GAGE1: variants seen among roughly 807,000 people sequenced by gnomAD.
GAGE1 encodes the protein G antigen 4.
A neutral mutation model predicts 5.0 loss-of-function variants in GAGE1; 5 were observed. That is an observed-to-expected ratio of 1.00 (90% CI 0.52 to 2.11). The LOEUF (loss-of-function observed/expected upper bound fraction) is 2.11, where lower values mean the gene tolerates loss of function less well. Ranked by LOEUF, GAGE1 falls within the 30% of genes most tolerant of loss-of-function variation. GAGE1 has a pLI of 0.01. For missense variants in GAGE1, 9 were observed against 38.9 expected, an observed-to-expected ratio of 0.23 and a Z score of 2.04; for synonymous variants, 6 against 14.8, an observed-to-expected ratio of 0.40 and a Z score of 1.37.
intron 4 of GAGE1, 70 bp from the exon 5 acceptor site, chrX:49,605,923 T>TAAC (rs1852690222): frequency 4.0e-6 from 2 of 495,862 alleles, no homozygotes; most frequent in East Asian, 6.0e-5. Context: ...ATAATAATAA[T>TAAC]AATAATAATA....
chrX:49,604,914 C>A (rs1317101344), intron 4 of GAGE1: 5 of 342,841 alleles, frequency 1.5e-5, no homozygotes, highest in Non-Finnish European at 5.1e-6. Flanking sequence ...CTAAAGCAGT[C>A]CTCCCACCTC....
intron 3 of GAGE1, among the ~76,000 whole-genome samples, chrX:49,602,721 A>G (rs1264657566): frequency 6.7e-5 from 6 of 90,037 alleles, no homozygotes; most frequent in Admixed American, 1.2e-4. Context: ...ATCACTGCAC[A>G]AAGATCAAAA....
intron 4 of GAGE1, 127 bp from the exon 5 acceptor site, chrX:49,605,866 C>G (rs1557132128): frequency 5.4e-6 from 2 of 369,971 alleles, no homozygotes; most frequent in Non-Finnish European, 3.9e-6. Flanking sequence ...CCAGATTGCT[C>G]CACTGTACTC....
At chrX:49,603,904 G>A in intron 4 of GAGE1, 111 bp downstream of exon 4, 1 of 496,064 alleles carries the variant, frequency 2.0e-6, no homozygotes, top group Non-Finnish European at 3.4e-6. Flanking sequence ...CCAGGCTGGA[G>A]TGCAGTGGTG....
At chrX:49,605,424 T>C (rs1251969931) in intron 4 of GAGE1, among the ~76,000 whole-genome samples, 1 of 112,371 alleles carries the variant, frequency 8.9e-6, no homozygotes, top group African/African-American at 3.2e-5. Flanking sequence ...TTAATTGTAA[T>C]TGCTTGTGAC....
chrX:49,605,075 C>G (rs782247653), intron 4 of GAGE1: 1 of 1,019,965 alleles, frequency 9.8e-7, no homozygotes. Flanking sequence ...TCTTTCCCCA[C>G]GGAAACCTTG....
Position 49,606,307 on chromosome X carries a change from C to A in GAGE1, c.*292C>A. On this transcript the variant is annotated 3_prime_UTR_variant, in exon 5 of 5. Transcript: ENST00000381700. ...CTTCTAGGTTTTTTCAGTTTTCAAC[C>A]TACAGAATCATATCATTTTTGAATA... The A allele has an allele frequency of 6.2e-6, 1 of 161,411 alleles. No homozygotes were observed. Among genetic ancestry groups the A allele is most frequent in the Non-Finnish European group, 1.2e-5 (1 of 83,922 alleles). The allele number at this position is 161,411 out of a possible 1,213,427, so 13.3% of individuals were successfully genotyped here.
At chrX:49,604,664 G>C (rs2066641148) in intron 4 of GAGE1, among the ~76,000 whole-genome samples, 1 of 112,213 alleles carries the variant, frequency 8.9e-6, no homozygotes, top group Non-Finnish European at 1.9e-5. Context: ...TGAAACCCTG[G>C]CCCGAGTCAT....
chrX:49,604,138 C>G, intron 4 of GAGE1, among the ~76,000 whole-genome samples: 1 of 112,775 alleles, frequency 8.9e-6, no homozygotes, highest in African/African-American at 3.2e-5. Flanking sequence ...CAGGCGAGAG[C>G]CACTGTGCCA....
At position 49,607,250 on chromosome X, in the gene GAGE1, G is replaced by A. The variant is rs1325339241; in HGVS notation, c.*1235G>A. ...CCCAAAGTGCTGGGATTACAGGAATGAGTCACGGTGCCTGGAAATTTTGTA... is the reference window on the plus strand; with the variant it reads ...CCCAAAGTGCTGGGATTACAGGAATAAGTCACGGTGCCTGGAAATTTTGTA... On this transcript the variant is annotated 3_prime_UTR_variant, in exon 5 of 5. Coordinates refer to ENST00000381700, the MANE Select transcript of GAGE1 (RefSeq NM_001040663.4). 8.9e-6 allele frequency: 1 copy of A among 111,935 alleles called. No individual in the cohort carries two copies. The highest frequency in any genetic ancestry group is 3.2e-5 in the African/African-American group (1 of 30,819). The allele number at this position is 111,935 out of a possible 1,213,427, so 9.2% of individuals were successfully genotyped here. A position where few individuals can be genotyped will look rare whatever the true frequency, so the allele number is the denominator to read the frequency against.
chrX:49,605,881 C>T, intron 4 of GAGE1, 112 bp from the exon 5 acceptor site: 1 of 471,469 alleles, frequency 2.1e-6, no homozygotes, highest in Non-Finnish European at 2.9e-6. Flanking sequence ...GTACTCCAGC[C>T]TGGGCAACAG....
intron 4 of GAGE1, among the ~76,000 whole-genome samples, chrX:49,605,440 A>T (rs868991977): frequency 2.0e-4 from 22 of 112,377 alleles, no homozygotes; most frequent in African/African-American, 6.8e-4. Context: ...GTGACTTGAA[A>T]GGAAGCACTT....
intron 4 of GAGE1, chrX:49,604,889 C>T (rs1419151984): frequency 7.1e-6 from 2 of 281,178 alleles, no homozygotes; most frequent in East Asian, 1.0e-4. Flanking sequence ...CTCACTGCAA[C>T]CTCTGGCTCC....
Position 49,608,044 on chromosome X carries a change from G to A in GAGE1, c.*2029G>A, listed in dbSNP as rs2066668540. 8.9e-6 allele frequency: 1 copy of A among 111,867 alleles called. No homozygotes were observed. The allele number at this position is 111,867 out of a possible 1,213,427, so 9.2% of individuals were successfully genotyped here. A position where few individuals can be genotyped will look rare whatever the true frequency, so the allele number is the denominator to read the frequency against. ...TTCTCAAAGTAAAGCTTTTGAAAGT[G>A]TTAAATGTACACGAACTGATGGTGT... is the stretch of plus-strand genomic sequence containing the variant. On this transcript the variant is annotated 3_prime_UTR_variant, in exon 5 of 5. Transcript: ENST00000381700.
At chrX:49,605,025 C>T (rs782438343) in intron 4 of GAGE1, 3 of 1,015,813 alleles carry the variant, frequency 3.0e-6, no homozygotes, top group Admixed American at 2.5e-5. Context: ...GTTGCCCAGA[C>T]TGGGATTCTC....
chrX:49,605,355 C>CT (rs1569532284), intron 4 of GAGE1, among the ~76,000 whole-genome samples: 7 of 112,286 alleles, frequency 6.2e-5, no homozygotes, highest in Non-Finnish European at 1.3e-4. Flanking sequence ...TGACTCTAGT[C>CT]CTTCCTGAGT....
chrX:49,602,183 A>T (rs1394002141), intron 3 of GAGE1, among the ~76,000 whole-genome samples: 2 of 113,231 alleles, frequency 1.8e-5, no homozygotes, highest in Non-Finnish European at 3.7e-5. Flanking sequence ...ACATAAATAA[A>T]TTCATTAAAT....
At chrX:49,605,558 A>C (rs1475146400) in intron 4 of GAGE1, among the ~76,000 whole-genome samples, 3 of 111,941 alleles carry the variant, frequency 2.7e-5, no homozygotes, top group African/African-American at 9.7e-5. Flanking sequence ...TTCTGTTTTT[A>C]GTCCATTTAA....
At chrX:49,603,998 G>T (rs4824477) in intron 4 of GAGE1, among the ~76,000 whole-genome samples, 1 of 112,375 alleles carries the variant, frequency 8.9e-6, no homozygotes, top group Non-Finnish European at 1.9e-5. Flanking sequence ...GGTTACAGGC[G>T]TGCTCCGCCG....
Sources: allele counts gnomAD v4.1 joint callset (sites outside exome capture counted in the v4.1 genomes callset), GRCh38; gene constraint gnomAD v4.1.1; transcripts MANE v1.5; gene names NCBI Gene and HGNC (gene_info 2026-07-23, HGNC 2026-07-21).